The following TCF12 variants were observed in gnomAD, a reference collection of about 807,000 sequenced individuals.
TCF12 encodes the protein DNA-binding protein HTF4.
TCF12 carries 45 observed loss-of-function variants against 86.0 expected under a neutral mutation model. The observed-to-expected ratio is 0.52, with a 90% CI of 0.41 to 0.67. TCF12 has a LOEUF of 0.67. Ranked by LOEUF, TCF12 falls within the 30% of genes least tolerant of loss-of-function variation. The probability of loss-of-function intolerance (pLI) is 0.00; values close to 1 mark genes in which losing one functional copy is unlikely to be tolerated. For missense variants in TCF12, 881 were observed against 859.9 expected (o/e 1.02, Z -0.31); for synonymous variants, 330 against 299.6 (o/e 1.10, Z -1.05).
chr15:57,214,813 C>CT (rs1597370190), intron 8 of TCF12, among the ~76,000 whole-genome samples: 2 of 152,078 alleles, frequency 1.3e-5, no homozygotes, highest in East Asian at 3.9e-4. Flanking sequence ...TGGAGTGCCA[C>CT]TTGAGTAAAG....
At chr15:57,085,887 A>G (rs1177352876) in intron 4 of TCF12, among the ~76,000 whole-genome samples, 2 of 152,034 alleles carry the variant, frequency 1.3e-5, no homozygotes, top group Non-Finnish European at 2.9e-5. Flanking sequence ...ATTGGTGGGA[A>G]ATCTTGTAGC....
At chr15:56,928,043 C>G (rs1242337455) in intron 3 of TCF12, among the ~76,000 whole-genome samples, 3 of 152,062 alleles carry the variant, frequency 2.0e-5, no homozygotes, top group Non-Finnish European at 4.4e-5. Context: ...CCCTTGAATT[C>G]CTGACTTTTT....
chr15:57,285,731 A>G lies in TCF12; in HGVS notation c.*12-426A>G, dbSNP rs76295280. On this transcript the variant is annotated intron_variant, in intron 20 of 20. Transcript: ENST00000333725. ...ATTGCGGCAGCTGTTTTATACGCCT[A>G]TAGTTTGTGATTCTGTAATCGCATG... is the stretch of plus-strand genomic sequence containing the variant. Among the ~76,000 whole-genome samples the G allele has an allele frequency of 4.7e-4, 72 of 152,288 alleles. No homozygotes were observed. In the East Asian group the frequency reaches 0.011, roughly 22 times the overall value.
intron 5 of TCF12, among the ~76,000 whole-genome samples, chr15:57,151,408 GA>G (rs2053749858): frequency 2.6e-5 from 4 of 152,044 alleles, no homozygotes; most frequent in African/African-American, 9.7e-5. Context: ...CATAGAAACA[GA>G]AACTATCCAA....
chr15:57,111,714 C>T (rs1345430122), intron 5 of TCF12, among the ~76,000 whole-genome samples: 3 of 151,754 alleles, frequency 2.0e-5, no homozygotes, highest in Non-Finnish European at 2.9e-5. Flanking sequence ...GGCTCAGCCC[C>T]ACCAAGTAGC....
At chr15:56,970,683 A>G (rs1408667493) in intron 3 of TCF12, among the ~76,000 whole-genome samples, 6 of 151,932 alleles carry the variant, frequency 3.9e-5, no homozygotes, top group African/African-American at 9.7e-5. Context: ...ACATTTGACT[A>G]TGTAAAAATT....
At position 57,197,762 on chromosome 15, in the gene TCF12, T is replaced by G. The variant is rs1795713852; in HGVS notation, c.527-11T>G. 8 of 1,613,624 alleles carry G rather than the reference T, an allele frequency of 5.0e-6. No homozygotes were observed. Among genetic ancestry groups the G allele is most frequent in the Non-Finnish European group, 6.8e-6 (8 of 1,179,910 alleles). ...ATTATGCTGAAGAAATGTATTGTTT[T>G]CCATCTGCAGATCCCTTGCAAGCAA... On this transcript the variant is annotated splice_polypyrimidine_tract_variant and intron_variant, in intron 7 of 20. Transcript: ENST00000333725.
chr15:57,157,199 C>T (rs1323086251), intron 5 of TCF12, among the ~76,000 whole-genome samples: 2 of 151,508 alleles, frequency 1.3e-5, no homozygotes, highest in African/African-American at 4.8e-5. Flanking sequence ...TATTTTAAAT[C>T]GTTTTTTAAG....
intron 5 of TCF12, among the ~76,000 whole-genome samples, chr15:57,119,015 A>G (rs2051033511): frequency 6.6e-6 from 1 of 151,990 alleles, no homozygotes; most frequent in South Asian, 2.1e-4. Flanking sequence ...TGTTTGTTTT[A>G]TCATGTACTG....
chr15:57,132,203 C>T (rs1350233639), intron 5 of TCF12, among the ~76,000 whole-genome samples: 1 of 152,130 alleles, frequency 6.6e-6, no homozygotes. Flanking sequence ...TGACTAATCA[C>T]TAGATTTCTT....
intron 5 of TCF12, among the ~76,000 whole-genome samples, chr15:57,110,734 T>A (rs1428848292): frequency 6.6e-5 from 10 of 152,228 alleles, no homozygotes; most frequent in African/African-American, 2.4e-4. Context: ...ACATTGGGTG[T>A]TGAAAACTAG....
At chr15:56,971,354 G>A (rs1481557218) in intron 3 of TCF12, among the ~76,000 whole-genome samples, 1 of 152,130 alleles carries the variant, frequency 6.6e-6, no homozygotes, top group Non-Finnish European at 1.5e-5. Flanking sequence ...TTGAACCTAA[G>A]GGGTGGAGGT....
At chr15:57,004,468 G>A (rs2064230495) in intron 3 of TCF12, among the ~76,000 whole-genome samples, 1 of 151,972 alleles carries the variant, frequency 6.6e-6, no homozygotes, top group Non-Finnish European at 1.5e-5. Flanking sequence ...GAGTGCAGTG[G>A]CGCGATCTCA....
intron 12 of TCF12, among the ~76,000 whole-genome samples, chr15:57,238,612 A>T (rs1489923482): frequency 6.6e-6 from 1 of 152,228 alleles, no homozygotes; most frequent in African/African-American, 2.4e-5. Context: ...TTGTATAAAT[A>T]CCAAGATAAA....
At chr15:57,284,779 A>G (rs897296348) in intron 20 of TCF12, among the ~76,000 whole-genome samples, 1 of 152,090 alleles carries the variant, frequency 6.6e-6, no homozygotes, top group Non-Finnish European at 1.5e-5. Flanking sequence ...TACTCGTTCA[A>G]CTTTGTCTTC....
At chr15:57,170,332 G>A (rs1488211635) in intron 6 of TCF12, among the ~76,000 whole-genome samples, 2 of 150,528 alleles carry the variant, frequency 1.3e-5, no homozygotes, top group African/African-American at 2.5e-5. Context: ...GTACAGTGGC[G>A]CTCACAAGAC....
intron 3 of TCF12, among the ~76,000 whole-genome samples, chr15:56,959,402 G>T (rs1369364714): frequency 6.6e-6 from 1 of 152,148 alleles, no homozygotes; most frequent in African/African-American, 2.4e-5. Context: ...GTGTGGAATG[G>T]CAAAGCTGAG....
chr15:57,073,737 G>T (rs2069619166), intron 4 of TCF12, among the ~76,000 whole-genome samples: 1 of 151,820 alleles, frequency 6.6e-6, no homozygotes. Flanking sequence ...AGAGTCACTA[G>T]AAGTTTTTTT....
At chr15:57,019,231 A>ATG (rs1369298258) in intron 3 of TCF12, among the ~76,000 whole-genome samples, 1 of 152,242 alleles carries the variant, frequency 6.6e-6, no homozygotes, top group African/African-American at 2.4e-5. Flanking sequence ...TTTACTATCA[A>ATG]TGTAGTGACC....
Sources: gnomAD v4.1 joint callset for allele counts (sites outside exome capture counted in the v4.1 genomes callset) on GRCh38, gnomAD v4.1.1 for gene constraint, MANE v1.5 for transcripts, NCBI Gene and HGNC (gene_info 2026-07-23, HGNC 2026-07-21) for gene names.